ADGRL3: variants seen among roughly 807,000 people sequenced by gnomAD.
The protein encoded by ADGRL3 is adhesion G protein-coupled receptor L3.
Under a neutral mutation model 153.5 loss-of-function variants are expected in ADGRL3, and 62 were observed. The observed-to-expected ratio is 0.40, with a 90% CI of 0.33 to 0.50. The LOEUF (loss-of-function observed/expected upper bound fraction) is 0.50, where lower values mean the gene tolerates loss of function less well. Among genes scored for constraint, ADGRL3 ranks in the 20% least tolerant of loss-of-function variants. The pLI is 0.47. For missense variants in ADGRL3, 1,641 were observed against 1,859.4 expected, an observed-to-expected ratio of 0.88 and a Z score of 2.16; for synonymous variants, 710 against 672.5, an observed-to-expected ratio of 1.06 and a Z score of -0.86.
At chr4:61,349,512 T>A (rs1323993019) in intron 1 of ADGRL3, among the ~76,000 whole-genome samples, 1 of 152,114 alleles carries the variant, frequency 6.6e-6, no homozygotes, top group East Asian at 1.9e-4. Flanking sequence ...CACGATTACC[T>A]GTATAAAGCT....
At chr4:61,728,976 T>C (rs986666624) in intron 6 of ADGRL3, among the ~76,000 whole-genome samples, 3 of 151,862 alleles carry the variant, frequency 2.0e-5, no homozygotes, top group Non-Finnish European at 2.9e-5. Flanking sequence ...TCAATAAAGA[T>C]TGAGGATGAT....
intron 17 of ADGRL3, among the ~76,000 whole-genome samples, chr4:61,961,043 T>C (rs1441661055): frequency 6.6e-6 from 1 of 152,146 alleles, no homozygotes; most frequent in Non-Finnish European, 1.5e-5. Context: ...TATTTTGCAA[T>C]ACAGGTCTTT....
intron 1 of ADGRL3, among the ~76,000 whole-genome samples, chr4:61,359,618 AT>A (rs1301457587): frequency 1.3e-5 from 2 of 152,082 alleles, no homozygotes; most frequent in African/African-American, 4.8e-5. Context: ...TTTTACTCGA[AT>A]TTTACCTTCT....
At chr4:61,729,997 A>G (rs777099850) in intron 6 of ADGRL3, among the ~76,000 whole-genome samples, 2 of 151,998 alleles carry the variant, frequency 1.3e-5, no homozygotes, top group Non-Finnish European at 2.9e-5. Flanking sequence ...ATCAAATACT[A>G]ATGAGCGGGA....
intron 2 of ADGRL3, among the ~76,000 whole-genome samples, chr4:61,412,381 C>A (rs2097098138): frequency 6.6e-6 from 1 of 152,160 alleles, no homozygotes. Flanking sequence ...GTCCCCCACA[C>A]CAGGCCAGTA....
chr4:61,352,270 T>C (rs1239483276), intron 1 of ADGRL3, among the ~76,000 whole-genome samples: 1 of 152,212 alleles, frequency 6.6e-6, no homozygotes, highest in Non-Finnish European at 1.5e-5. Context: ...CAAAAGATTA[T>C]AACTTGCTGA....
At chr4:61,624,940 A>G (rs549611568) in intron 5 of ADGRL3, among the ~76,000 whole-genome samples, 1 of 152,150 alleles carries the variant, frequency 6.6e-6, no homozygotes, top group Non-Finnish European at 1.5e-5. Flanking sequence ...TGTAGTAGAT[A>G]TGCCTCATTA....
chr4:61,933,417 C>T (rs987145098), intron 13 of ADGRL3, among the ~76,000 whole-genome samples: 2 of 151,890 alleles, frequency 1.3e-5, no homozygotes, highest in South Asian at 2.1e-4. Context: ...TACTAGGTCA[C>T]GCTTTACACC....
chr4:61,601,396 G>A (rs1163590558), intron 5 of ADGRL3, among the ~76,000 whole-genome samples: 1 of 152,072 alleles, frequency 6.6e-6, no homozygotes, highest in Non-Finnish European at 1.5e-5. Flanking sequence ...AACAAAATAT[G>A]TCATTTCCTA....
At chr4:61,394,106 A>G (rs2096843098) in intron 2 of ADGRL3, among the ~76,000 whole-genome samples, 1 of 152,132 alleles carries the variant, frequency 6.6e-6, no homozygotes, top group Admixed American at 6.6e-5. Context: ...TTCTAAGAGT[A>G]CGGTCATGGT....
chr4:61,559,169 A>G (rs1432842663), intron 4 of ADGRL3, among the ~76,000 whole-genome samples: 1 of 152,102 alleles, frequency 6.6e-6, no homozygotes, highest in Non-Finnish European at 1.5e-5. Flanking sequence ...TGTTTAGCCC[A>G]TAATAAGCAC....
At chr4:61,949,772 C>A (rs946535436) in intron 17 of ADGRL3, among the ~76,000 whole-genome samples, 1 of 151,964 alleles carries the variant, frequency 6.6e-6, no homozygotes, top group Non-Finnish European at 1.5e-5. Context: ...ATTTCATATG[C>A]ATTAGTCTTT....
intron 6 of ADGRL3, among the ~76,000 whole-genome samples, chr4:61,713,164 C>T (rs2096033242): frequency 1.3e-5 from 2 of 152,056 alleles, no homozygotes; most frequent in African/African-American, 4.8e-5. Flanking sequence ...CAGTAATAAA[C>T]ATATCCTGCA....
intron 2 of ADGRL3, among the ~76,000 whole-genome samples, chr4:61,490,495 T>C (rs973766686): frequency 6.6e-6 from 1 of 152,000 alleles, no homozygotes; most frequent in Non-Finnish European, 1.5e-5. Context: ...CACATGTAAA[T>C]TTGTTGAATT....
intron 1 of ADGRL3, among the ~76,000 whole-genome samples, chr4:61,297,650 G>T (rs1387197535): frequency 6.6e-6 from 1 of 151,356 alleles, no homozygotes; most frequent in African/African-American, 2.4e-5. Flanking sequence ...TTTTGAATTG[G>T]CAGAACTTAC....
At chr4:62,069,951 A>T (rs1744975106) in intron 26 of ADGRL3, among the ~76,000 whole-genome samples, 158 bp from the exon 27 acceptor site, 1 of 152,178 alleles carries the variant, frequency 6.6e-6, no homozygotes, top group African/African-American at 2.4e-5. Context: ...TATAGATTTA[A>T]TAGTATTTTC....
At chr4:61,971,146 A>T (rs1014310319) in intron 17 of ADGRL3, among the ~76,000 whole-genome samples, 4 of 151,366 alleles carry the variant, frequency 2.6e-5, no homozygotes, top group Admixed American at 6.6e-5. Flanking sequence ...TTTTTTATTT[A>T]TTTTTATTTA....
chr4:61,665,364 T>C (rs2094753929), intron 5 of ADGRL3, among the ~76,000 whole-genome samples: 1 of 152,072 alleles, frequency 6.6e-6, no homozygotes, highest in South Asian at 2.1e-4. Context: ...TGAGCCGAGA[T>C]TGCACCATTG....
chr4:61,219,787 T>A (rs966461954), intron 1 of ADGRL3, among the ~76,000 whole-genome samples: 4 of 152,140 alleles, frequency 2.6e-5, no homozygotes, highest in African/African-American at 9.7e-5. Context: ...TTCGATTATT[T>A]CTCTTCCTGT....
Sources: allele counts gnomAD v4.1 joint callset (sites outside exome capture counted in the v4.1 genomes callset), GRCh38; gene constraint gnomAD v4.1.1; transcripts MANE v1.5; gene names NCBI Gene and HGNC (gene_info 2026-07-23, HGNC 2026-07-21).